DYNC2H1: variants seen among roughly 807,000 people sequenced by gnomAD.
DYNC2H1 encodes dynein cytoplasmic 2 heavy chain 1, also known as cytoplasmic dynein 2 heavy chain 1.
DYNC2H1 carries 410 observed loss-of-function variants against 570.0 expected under a neutral mutation model. That is an observed-to-expected ratio of 0.72 (90% confidence interval 0.66 to 0.78). The LOEUF (loss-of-function observed/expected upper bound fraction) is 0.78, where lower values mean the gene tolerates loss of function less well. Ranked by LOEUF, DYNC2H1 falls within the 30% of genes least tolerant of loss-of-function variation. The pLI is 0.00. For synonymous variants in DYNC2H1, 1,688 were observed against 1,677.6 expected (o/e 1.01, Z -0.15); for missense variants, 4,865 against 5,046.4 (o/e 0.96, Z 1.09).
chr11:103,365,256 G>A (rs1035371791), intron 83 of DYNC2H1, among the ~76,000 whole-genome samples: 59 of 152,128 alleles, frequency 3.9e-4, no homozygotes, highest in African/African-American at 1.3e-3. Flanking sequence ...GGCTACTCAG[G>A]AGGCTGAGGC....
At position 103,275,654 on chromosome 11, in the gene DYNC2H1, G is replaced by A. The variant is rs973547070; in HGVS notation, c.10696-4694G>A. Among the ~76,000 whole-genome samples, 1 of 151,852 alleles carries A rather than the reference G, an allele frequency of 6.6e-6. No individual in the cohort carries two copies. The highest frequency in any genetic ancestry group is 1.5e-5 in the Non-Finnish European group (1 of 67,958). ...AGATTGTCTTCTTTCACTTACTATT[G>A]TACGTTTAAGGTTCTTTCATGTTTT... On this transcript the variant is annotated intron_variant, in intron 70 of 88. Transcript: ENST00000375735. The surrounding 1 kb of genome is among the most constrained non-coding windows in gnomAD (Gnocchi z 4.8).
At chr11:103,306,712 G>C (rs565928607) in intron 77 of DYNC2H1, among the ~76,000 whole-genome samples, 3 of 152,142 alleles carry the variant, frequency 2.0e-5, no homozygotes, top group African/African-American at 4.8e-5. Context: ...ATGAATGTTA[G>C]TGTTAAACAT....
chr11:103,206,005 T>C (rs1862907812), intron 52 of DYNC2H1, among the ~76,000 whole-genome samples: 1 of 152,196 alleles, frequency 6.6e-6, no homozygotes, highest in South Asian at 2.1e-4. Context: ...ATGGGATTAC[T>C]GTAGTTTCTG....
At chr11:103,260,920 G>GA (rs1865254783) in intron 70 of DYNC2H1, among the ~76,000 whole-genome samples, 1 of 145,262 alleles carries the variant, frequency 6.9e-6, no homozygotes, top group Admixed American at 6.9e-5. Context: ...TGCCCAGCCA[G>GA]AATTTTTTTT....
chr11:103,191,028 A>AT (rs577789493), intron 45 of DYNC2H1, among the ~76,000 whole-genome samples: 12 of 111,240 alleles, frequency 1.1e-4, no homozygotes, highest in Non-Finnish European at 1.4e-4. Flanking sequence ...ATATATATAT[A>AT]TTTTTTTTCT....
At chr11:103,180,364 G>A (rs982636188) in intron 39 of DYNC2H1, among the ~76,000 whole-genome samples, 1 of 151,466 alleles carries the variant, frequency 6.6e-6, no homozygotes, top group African/African-American at 2.4e-5. Flanking sequence ...ACATAGAGGA[G>A]GCAAATTTAT....
chr11:103,287,566 T>C lies in DYNC2H1; in HGVS notation c.11056T>C (p.Leu3686=), dbSNP rs986262031. The change falls in exon 75 of 89, where the codon TTG becomes CTG. Residue 3686 remains leucine, a synonymous_variant. Coordinates refer to ENST00000375735, the MANE Select transcript of DYNC2H1 (RefSeq NM_001377.3). ...AGTACAGGCGCTAAGACCGGACAGA[T>C]TGCAAAGTGCCATGGCTCTTTTTGC... ...LVVQALRPDR[L]QSAMALFACK... 1.6e-5 allele frequency: 25 copies of C among 1,611,970 alleles called. No homozygotes were observed. The highest frequency in any genetic ancestry group is 9.9e-5 in the South Asian group (9 of 90,484).
intron 78 of DYNC2H1, 146 bp from the exon 79 acceptor site, chr11:103,311,732 T>C: frequency 1.5e-6 from 1 of 683,300 alleles, no homozygotes; most frequent in Non-Finnish European, 2.3e-6. Context: ...TAGTTTTATG[T>C]ACATTTTGAA....
At chr11:103,442,066 T>G (rs1429372858) in intron 85 of DYNC2H1, among the ~76,000 whole-genome samples, 3 of 152,136 alleles carry the variant, frequency 2.0e-5, no homozygotes, top group African/African-American at 7.2e-5. Context: ...CTTTAAAACC[T>G]CCAGCATCCC....
intron 70 of DYNC2H1, among the ~76,000 whole-genome samples, chr11:103,267,598 T>C (rs1006724933): frequency 6.6e-6 from 1 of 152,044 alleles, no homozygotes; most frequent in Non-Finnish European, 1.5e-5. Context: ...TTGTATAATG[T>C]ATTATCTCAT....
intron 75 of DYNC2H1, among the ~76,000 whole-genome samples, chr11:103,302,034 T>G (rs1271491950): frequency 6.6e-6 from 1 of 152,010 alleles, no homozygotes; most frequent in Non-Finnish European, 1.5e-5. Context: ...CAGTTTGGCC[T>G]TTATGAAATA....
chr11:103,133,464 T>C lies in DYNC2H1; in HGVS notation c.1954-91T>C. On this transcript the variant is annotated intron_variant, in intron 13 of 88. Transcript: ENST00000375735. This position sits in a 1 kb window ranked among gnomAD's most constrained non-coding sequence, Gnocchi z 4.8. ...GTGCTTTCTTTGTTGCAGGTCAGAG[T>C]TGGGGATAGTTGAACTTTTGATATA... 1 of 1,218,556 alleles carries C rather than the reference T, an allele frequency of 8.2e-7. No homozygotes were observed. 75.5% of individuals were successfully genotyped at this position (1,218,556 alleles called of 1,614,324 possible).
intron 88 of DYNC2H1, among the ~76,000 whole-genome samples, 187 bp from the exon 89 acceptor site, chr11:103,478,908 G>A (rs1945654690): frequency 6.6e-6 from 1 of 152,152 alleles, no homozygotes; most frequent in Non-Finnish European, 1.5e-5. Flanking sequence ...TGGGGCTAGG[G>A]AGAGGTTGTA....
chr11:103,216,140 T>A (rs1863374557), intron 55 of DYNC2H1, among the ~76,000 whole-genome samples: 1 of 152,200 alleles, frequency 6.6e-6, no homozygotes, highest in Non-Finnish European at 1.5e-5. Flanking sequence ...ATTTTATTTC[T>A]TATACTCTGC....
chr11:103,255,656 A>G, intron 67 of DYNC2H1, 122 bp downstream of exon 67: 2 of 992,486 alleles, frequency 2.0e-6, no homozygotes, highest in Admixed American at 3.6e-5. Flanking sequence ...ATATTAGTGT[A>G]TATCTTACAG....
At chr11:103,223,262 A>G (rs1863662141) in intron 59 of DYNC2H1, among the ~76,000 whole-genome samples, 176 bp downstream of exon 59, 1 of 150,156 alleles carries the variant, frequency 6.7e-6, no homozygotes, top group African/African-American at 2.4e-5. Context: ...AAAGAAAGCA[A>G]TTAGAAGGAG....
chr11:103,257,841 C>A, intron 69 of DYNC2H1, 90 bp downstream of exon 69: 1 of 1,227,760 alleles, frequency 8.1e-7, no homozygotes, highest in Non-Finnish European at 1.0e-6. Flanking sequence ...AATTATTAAG[C>A]AAACTTTCAT....
At chr11:103,411,361 T>C (rs1943079821) in intron 84 of DYNC2H1, among the ~76,000 whole-genome samples, 1 of 152,022 alleles carries the variant, frequency 6.6e-6, no homozygotes, top group South Asian at 2.1e-4. Context: ...TTGGTTGTTG[T>C]GCTTATTGTA....
rs1193798274 is a variant in DYNC2H1 at position 103,456,341 on chromosome 11, A to G, written c.12633A>G (p.Ala4211=). 6.2e-7 allele frequency: 1 copy of G among 1,601,482 alleles called. No homozygotes were observed. Among genetic ancestry groups the G allele is most frequent in the Admixed American group, 1.7e-5 (1 of 58,504 alleles). Residue 4211 remains alanine, a synonymous_variant, in exon 87 of 89, where the codon GCA becomes GCG. Transcript: ENST00000375735. Reference sequence around the variant, plus strand: ...CATGGAAAGGTCGACTGCAAGAAGCAAAGCTACAAATTAAGGTACTAGACT... The same window carrying G: ...CATGGAAAGGTCGACTGCAAGAAGCGAAGCTACAAATTAAGGTACTAGACT... ...VASWKGRLQE[A]KLQIKISGLL... is the part of the protein sequence containing the mutation.
Sources: allele counts gnomAD v4.1 joint callset (sites outside exome capture counted in the v4.1 genomes callset), GRCh38; gene constraint gnomAD v4.1.1; non-coding constraint Gnocchi (gnomAD v3.1); transcripts MANE v1.5; gene names NCBI Gene and HGNC (gene_info 2026-07-23, HGNC 2026-07-21).